TMEM236: variants seen among roughly 807,000 people sequenced by gnomAD.
TMEM236 encodes the protein transmembrane protein 236.
A neutral mutation model predicts 14.7 loss-of-function variants in TMEM236; 11 were observed. The ratio of observed to expected loss-of-function variants is 0.75; its 90% CI spans 0.47 to 1.24. The LOEUF is 1.24. Ranked by LOEUF, TMEM236 falls within the 50% of genes most tolerant of loss-of-function variation. The pLI is 0.00. For missense variants in TMEM236, 464 were observed against 427.3 expected (o/e 1.09, Z -0.76); for synonymous variants, 182 against 168.6 (o/e 1.08, Z -0.62).
intron 3 of TMEM236, among the ~76,000 whole-genome samples, chr10:17,777,576 G>T (rs923290516): frequency 6.6e-6 from 1 of 151,998 alleles, no homozygotes; most frequent in Non-Finnish European, 1.5e-5. Flanking sequence ...TTCTAGCTGT[G>T]CACGGCTGCA....
At position 17,752,471 on chromosome 10, in the gene TMEM236, C is replaced by T. The variant is rs1564590552; in HGVS notation, c.176C>T (p.Ala59Val). ...ATCTCCTGTTCTATTGCCTATGTTG[C>T]GTTAGTGACTCTACTGATCTGGGTT... ...LIISCSIAYV[A>V]LVTLLIWVPV... is the part of the protein sequence containing the mutation. Residue 59 changes from alanine to valine, a missense_variant, in exon 1 of 4, where the codon GCG becomes GTG. Coordinates refer to ENST00000377495, the MANE Select transcript of TMEM236 (RefSeq NM_001098844.3). 8 of 1,613,872 alleles carry T rather than the reference C, an allele frequency of 5.0e-6. No homozygotes were observed. Among genetic ancestry groups the T allele is most frequent in the Middle Eastern group, 1.7e-4 (1 of 6,056 alleles).
chr10:17,779,734 C>A (rs1837717604), intron 3 of TMEM236, among the ~76,000 whole-genome samples: 1 of 152,028 alleles, frequency 6.6e-6, no homozygotes, highest in African/African-American at 2.4e-5. Flanking sequence ...TAAACCAGAC[C>A]CACAGTGGGT....
chr10:17,792,143 A>G (rs1341504798), intron 3 of TMEM236, among the ~76,000 whole-genome samples: 4 of 152,130 alleles, frequency 2.6e-5, no homozygotes, highest in African/African-American at 7.2e-5. Flanking sequence ...GCTGGAGTGC[A>G]GTGGTGCAAT....
chr10:17,759,952 C>A (rs1405288582), intron 1 of TMEM236, among the ~76,000 whole-genome samples: 1 of 128,894 alleles, frequency 7.8e-6, no homozygotes, highest in Admixed American at 9.3e-5. Flanking sequence ...CGCTGCAGTC[C>A]GGCCTGGACG....
chr10:17,783,785 C>G (rs1837792242), intron 3 of TMEM236, among the ~76,000 whole-genome samples: 1 of 152,206 alleles, frequency 6.6e-6, no homozygotes, highest in African/African-American at 2.4e-5. Flanking sequence ...TCCTCTCTTG[C>G]AAAATAGTAT....
chr10:17,773,373 G>A (rs1837605896), intron 2 of TMEM236, among the ~76,000 whole-genome samples: 2 of 152,154 alleles, frequency 1.3e-5, no homozygotes, highest in South Asian at 4.1e-4. Context: ...TTTCTCTGTT[G>A]CCCAGGCTGG....
intron 3 of TMEM236, among the ~76,000 whole-genome samples, chr10:17,794,512 ATG>A (rs1837977245): frequency 1.2e-5 from 1 of 82,534 alleles, no homozygotes; most frequent in African/African-American, 6.8e-5. Flanking sequence ...CTCAACACCC[ATG>A]TATTATACAT....
At chr10:17,776,525 A>G (rs1215027883) in intron 3 of TMEM236, among the ~76,000 whole-genome samples, 7 of 152,246 alleles carry the variant, frequency 4.6e-5, no homozygotes, top group African/African-American at 1.7e-4. Flanking sequence ...TGGATTAATA[A>G]AAAGCTTAGT....
intron 1 of TMEM236, among the ~76,000 whole-genome samples, chr10:17,754,262 G>A (rs930820030): frequency 3.3e-5 from 5 of 152,276 alleles, no homozygotes; most frequent in South Asian, 2.1e-4. Context: ...GCAGGCTTAC[G>A]TCATACTTTG....
chr10:17,799,725 C>T lies in TMEM236; in HGVS notation c.*3221C>T, dbSNP rs1838067325. 1 of 152,490 alleles carries T rather than the reference C, an allele frequency of 6.6e-6. No individual in the cohort carries two copies. Among genetic ancestry groups the T allele is most frequent in the Non-Finnish European group, 1.5e-5 (1 of 68,014 alleles). 9.4% of individuals were successfully genotyped at this position (152,490 alleles called of 1,614,324 possible). On this transcript the variant is annotated 3_prime_UTR_variant, in exon 4 of 4. Coordinates refer to ENST00000377495, the MANE Select transcript of TMEM236 (RefSeq NM_001098844.3). ...ATATTTTGTGTAAGTATATATTTAT[C>T]TCCATATTAGAACTTAGCAACAGTG...
intron 3 of TMEM236, among the ~76,000 whole-genome samples, chr10:17,795,140 G>A (rs1422106978): frequency 1.3e-5 from 2 of 152,066 alleles, no homozygotes; most frequent in Non-Finnish European, 2.9e-5. Flanking sequence ...AAAATGACAG[G>A]GCCTTTGTCT....
At chr10:17,775,835 A>G (rs1554835108) in intron 2 of TMEM236, among the ~76,000 whole-genome samples, 194 bp from the exon 3 acceptor site, 1 of 152,212 alleles carries the variant, frequency 6.6e-6, no homozygotes, top group Non-Finnish European at 1.5e-5. Flanking sequence ...TTCCATTGAT[A>G]TGAGTCCTTA....
intron 3 of TMEM236, among the ~76,000 whole-genome samples, chr10:17,778,927 G>A (rs1449037638): frequency 6.6e-6 from 1 of 152,162 alleles, no homozygotes; most frequent in Non-Finnish European, 1.5e-5. Context: ...AAATCTCTCA[G>A]TATCAAGTAA....
At chr10:17,791,180 C>G (rs1837918232) in intron 3 of TMEM236, among the ~76,000 whole-genome samples, 1 of 151,944 alleles carries the variant, frequency 6.6e-6, no homozygotes, top group South Asian at 2.1e-4. Flanking sequence ...ATGCAGTGGC[C>G]CATGCCTGTA....
intron 1 of TMEM236, among the ~76,000 whole-genome samples, chr10:17,761,822 C>CT (rs1837369145): frequency 6.6e-6 from 1 of 152,152 alleles, no homozygotes; most frequent in African/African-American, 2.4e-5. Context: ...TGGGCAAACT[C>CT]TTACTGTTCG....
chr10:17,772,267 G>A (rs2131750006), intron 2 of TMEM236, among the ~76,000 whole-genome samples: 1 of 152,346 alleles, frequency 6.6e-6, no homozygotes, highest in East Asian at 1.9e-4. Context: ...ATGGTTGTTA[G>A]AATGCATTGT....
At position 17,799,618 on chromosome 10, in the gene TMEM236, C is replaced by G. The variant is rs1039401330; in HGVS notation, c.*3114C>G. 1 of 152,368 alleles carries G rather than the reference C, an allele frequency of 6.6e-6. No homozygotes were observed. Among genetic ancestry groups the G allele is most frequent in the African/African-American group, 2.4e-5 (1 of 41,402 alleles). The allele number at this position is 152,368 out of a possible 1,614,324, so 9.4% of individuals were successfully genotyped here. The stretch of plus-strand genomic sequence containing the variant: ...AAATTATAATACAAGTAATTACTTT[C>G]GAATTCTGCCATGGGTATCTTTTTA... On this transcript the variant is annotated 3_prime_UTR_variant, in exon 4 of 4. Transcript: ENST00000377495.
At chr10:17,761,832 G>A (rs1037429361) in intron 1 of TMEM236, among the ~76,000 whole-genome samples, 132 of 151,946 alleles carry the variant, frequency 8.7e-4, no homozygotes, top group Non-Finnish European at 1.4e-3. Flanking sequence ...CTTACTGTTC[G>A]TCTTCAAAAT....
rs947620917 is a variant in TMEM236 at position 17,799,370 on chromosome 10, G to A, written c.*2866G>A. On this transcript the variant is annotated 3_prime_UTR_variant, in exon 4 of 4. Transcript: ENST00000377495. Reference sequence around the variant, plus strand: ...AACAGTTTCGGAGGCCTTGGCAGGCGGATCACTTGAGGCCAAGAGTTCGAG... The same window carrying A: ...AACAGTTTCGGAGGCCTTGGCAGGCAGATCACTTGAGGCCAAGAGTTCGAG... 2.1e-4 allele frequency: 32 copies of A among 152,398 alleles called. 1 individual carries two copies. Among genetic ancestry groups the A allele is most frequent in the African/African-American group, 7.0e-4 (29 of 41,562 alleles). The allele number at this position is 152,398 out of a possible 1,614,324, so 9.4% of individuals were successfully genotyped here. A position where few individuals can be genotyped will look rare whatever the true frequency, so the allele number is the denominator to read the frequency against.
Sources: allele counts gnomAD v4.1 joint callset (sites outside exome capture counted in the v4.1 genomes callset), GRCh38; gene constraint gnomAD v4.1.1; transcripts MANE v1.5; gene names NCBI Gene and HGNC (gene_info 2026-07-23, HGNC 2026-07-21).